The following PLEKHA7 variants were observed in gnomAD, a reference collection of about 807,000 sequenced individuals.
PLEKHA7 encodes the protein pleckstrin homology domain-containing family A member 7.
A neutral mutation model predicts 170.0 loss-of-function variants in PLEKHA7; 104 were observed. That is an observed-to-expected ratio of 0.61 (90% CI 0.52 to 0.72). PLEKHA7 has a LOEUF of 0.72. Ranked by LOEUF, PLEKHA7 falls within the 30% of genes least tolerant of loss-of-function variation. The probability of loss-of-function intolerance (pLI) is 0.00; values close to 1 mark genes in which losing one functional copy is unlikely to be tolerated. For synonymous variants in PLEKHA7, 648 were observed against 660.8 expected (o/e 0.98, Z 0.30); for missense variants, 1,615 against 1,671.7 (o/e 0.97, Z 0.59).
At chr11:16,964,418 C>T (rs528926872) in intron 3 of PLEKHA7, among the ~76,000 whole-genome samples, 1 of 152,274 alleles carries the variant, frequency 6.6e-6, no homozygotes, top group African/African-American at 2.4e-5. Flanking sequence ...ATTTTACTTT[C>T]CCACCAGCAA....
At position 16,835,008 on chromosome 11, in the gene PLEKHA7, G is replaced by A. The variant is rs557625845; in HGVS notation, c.872+6539C>T. Among the ~76,000 whole-genome samples, 114 of 152,326 alleles carry A rather than the reference G, an allele frequency of 7.5e-4. 1 individual carries two copies. Among genetic ancestry groups the A allele is most frequent in the African/African-American group, 2.6e-3 (110 of 41,572 alleles). ...GTACAGGCTAGGCGCGGTGGCTCAT[G>A]CCTGTAATCCTAACAATTTGGGAGG... On this transcript the variant is annotated intron_variant, in intron 9 of 26. Coordinates refer to ENST00000531066, the MANE Select transcript of PLEKHA7 (RefSeq NM_001329630.2).
intron 3 of PLEKHA7, among the ~76,000 whole-genome samples, chr11:16,900,850 ATTTTTTT>A (rs1203436793): frequency 6.9e-6 from 1 of 143,996 alleles, no homozygotes; most frequent in African/African-American, 2.5e-5. Flanking sequence ...ATGATTTTTT[ATTTTTTT>A]TTTTTTTTGA....
At position 16,786,333 on chromosome 11, in the gene PLEKHA7, C is replaced by T; in HGVS notation, c.3412G>A (p.Glu1138Lys). 2.0e-6 allele frequency: 3 copies of T among 1,536,076 alleles called. No individual in the cohort carries two copies. The highest frequency in any genetic ancestry group is 2.6e-6 in the Non-Finnish European group (3 of 1,146,884). The change falls in exon 24 of 27, where the codon GAA becomes AAA. Residue 1138 changes from glutamate (E) to lysine (K), a missense_variant. Transcript: ENST00000531066. ...CCATTCTCCTCCTTGTCCTTTTTTT[C>T]CCCTTGCACGACCCGTTCCAGCAAC... ...LQLLERVVQG[E>K]KKDKEENGWL...
At chr11:16,858,679 A>G (rs1472289418) in intron 4 of PLEKHA7, among the ~76,000 whole-genome samples, 3 of 152,050 alleles carry the variant, frequency 2.0e-5, no homozygotes, top group Non-Finnish European at 2.9e-5. Flanking sequence ...TTTAGTAGAG[A>G]GGGAGTTTCA....
At chr11:16,996,384 G>A (rs1289711560) in intron 3 of PLEKHA7, among the ~76,000 whole-genome samples, 1 of 152,168 alleles carries the variant, frequency 6.6e-6, no homozygotes, top group African/African-American at 2.4e-5. Flanking sequence ...CTCTCAGGGG[G>A]GTGGTCCCTC....
intron 23 of PLEKHA7, chr11:16,787,111 G>A (rs886102628): frequency 1.9e-5 from 19 of 985,290 alleles, no homozygotes; most frequent in South Asian, 9.4e-5. Context: ...AAATCTAACC[G>A]ATAAGATCCA....
rs1168957520 is a variant in PLEKHA7, at chr11:17,014,046, T to G, written c.164A>C (p.Asp55Ala). The change falls in exon 3 of 27, where the codon GAC becomes GCC. Residue 55 changes from aspartate (D) to alanine (A), a missense_variant and splice_region_variant. Physicochemically the swap from Asp to Ala is moderately radical, Grantham distance 126. Transcript: ENST00000531066. ...GCCCTCCTCCCAGCCGCGGGGCAGG[T>G]CTGCGGAAACGCCAGAAAAGTCGGG... ...PVNSGHMIRSDLPRGWEEGFT... is the reference protein window; with the variant it reads ...PVNSGHMIRSALPRGWEEGFT... 2 of 1,562,230 alleles carry G rather than the reference T, an allele frequency of 1.3e-6. No homozygotes were observed. Among genetic ancestry groups the G allele is most frequent in the East Asian group, 4.8e-5 (2 of 41,730 alleles).
chr11:17,005,253 G>T (rs1462488703), intron 3 of PLEKHA7, among the ~76,000 whole-genome samples: 9 of 152,374 alleles, frequency 5.9e-5, no homozygotes, highest in African/African-American at 2.2e-4. Context: ...AATGGAGGCT[G>T]GGCCCGGTGG....
intron 3 of PLEKHA7, among the ~76,000 whole-genome samples, chr11:16,960,174 C>T (rs1861964035): frequency 6.6e-6 from 1 of 152,192 alleles, no homozygotes; most frequent in Non-Finnish European, 1.5e-5. Flanking sequence ...CCTTCACTCC[C>T]GGACGCTGAC....
At chr11:17,009,311 T>A (rs1865189080) in intron 3 of PLEKHA7, among the ~76,000 whole-genome samples, 2 of 151,992 alleles carry the variant, frequency 1.3e-5, no homozygotes, top group Non-Finnish European at 1.5e-5. Context: ...GCTATAAGGA[T>A]CAAATAAGAA....
At chr11:17,001,974 G>A (rs907345985) in intron 3 of PLEKHA7, among the ~76,000 whole-genome samples, 3 of 152,366 alleles carry the variant, frequency 2.0e-5, no homozygotes, top group Non-Finnish European at 2.9e-5. Flanking sequence ...GAGACAGCCT[G>A]GCTCTAAGCA....
intron 26 of PLEKHA7, among the ~76,000 whole-genome samples, chr11:16,780,211 G>A (rs1216951873): frequency 2.0e-5 from 3 of 152,182 alleles, no homozygotes; most frequent in African/African-American, 4.8e-5. Flanking sequence ...AAAGCAACAG[G>A]CCCAGGCCAA....
At chr11:16,979,318 G>A (rs1242570225) in intron 3 of PLEKHA7, among the ~76,000 whole-genome samples, 2 of 152,274 alleles carry the variant, frequency 1.3e-5, no homozygotes, top group Admixed American at 6.5e-5. Flanking sequence ...ATGAGCCACC[G>A]CATCCAGCCT....
intron 10 of PLEKHA7, among the ~76,000 whole-genome samples, chr11:16,821,945 G>GT (rs1850248148): frequency 6.6e-6 from 1 of 151,350 alleles, no homozygotes; most frequent in African/African-American, 2.4e-5. Context: ...CCAATGAGCT[G>GT]TTCTCCTCTA....
chr11:16,877,319 T>C (rs1855376022), intron 3 of PLEKHA7, among the ~76,000 whole-genome samples: 1 of 152,212 alleles, frequency 6.6e-6, no homozygotes, highest in Non-Finnish European at 1.5e-5. Context: ...ATGTTCCTAG[T>C]TAGGTCTCAA....
At chr11:16,885,996 CG>C (rs1340442436) in intron 3 of PLEKHA7, among the ~76,000 whole-genome samples, 2 of 127,422 alleles carry the variant, frequency 1.6e-5, no homozygotes, top group Non-Finnish European at 3.5e-5. Flanking sequence ...AAGACTCCAT[CG>C]GAAAAAAAAA....
At chr11:16,795,773 A>T (rs1392495748) in intron 17 of PLEKHA7, among the ~76,000 whole-genome samples, 1 of 150,912 alleles carries the variant, frequency 6.6e-6, no homozygotes, top group African/African-American at 2.4e-5. Flanking sequence ...TGGGCAAAAG[A>T]GTGAGACCCT....
At chr11:16,847,918 A>G (rs1200565122) in intron 8 of PLEKHA7, among the ~76,000 whole-genome samples, 1 of 152,108 alleles carries the variant, frequency 6.6e-6, no homozygotes, top group Non-Finnish European at 1.5e-5. Flanking sequence ...TGGTAGGAAT[A>G]CAACCTGAAC....
intron 1 of PLEKHA7, 41 bp downstream of exon 1, chr11:17,014,275 C>A: frequency 7.1e-7 from 1 of 1,411,084 alleles, no homozygotes; most frequent in Non-Finnish European, 9.2e-7. Flanking sequence ...GCCCCCGCGC[C>A]CCCACCCGCG....
Sources: gnomAD v4.1 joint callset for allele counts (sites outside exome capture counted in the v4.1 genomes callset) on GRCh38, gnomAD v4.1.1 for gene constraint, MANE v1.5 for transcripts, NCBI Gene and HGNC (gene_info 2026-07-23, HGNC 2026-07-21) for gene names.